The following PIEZO1 variants were observed in gnomAD, a reference collection of about 807,000 sequenced individuals.
The protein encoded by PIEZO1 is piezo type mechanosensitive ion channel component 1 (Er blood group).
PIEZO1 carries 296 observed loss-of-function variants against 297.2 expected under a neutral mutation model. The observed-to-expected ratio is 1.00, with a 90% CI of 0.91 to 1.10. The LOEUF (loss-of-function observed/expected upper bound fraction) is 1.10, where lower values mean the gene tolerates loss of function less well. Among genes scored for constraint, PIEZO1 ranks in the 50% least tolerant of loss-of-function variants. PIEZO1 has a pLI of 0.00. For synonymous variants in PIEZO1, 2,427 were observed against 1,507.5 expected, an observed-to-expected ratio of 1.61 and a Z score of -14.13; for missense variants, 5,018 against 3,455.5, an observed-to-expected ratio of 1.45 and a Z score of -11.34.
intron 1 of PIEZO1, among the ~76,000 whole-genome samples, chr16:88,761,545 G>A (rs1344388254): frequency 6.6e-6 from 1 of 152,202 alleles, no homozygotes; most frequent in Admixed American, 6.5e-5. Flanking sequence ...GGGGGCGGGT[G>A]AGCTGGGAGG....
In PIEZO1 at chr16:88,720,257, C is replaced by T. The variant is rs375228586; in HGVS notation, c.5976G>A (p.Thr1992=). ...FGKHSAATDI[T]SSLSDDQVPE... ...GTACCTGGTCGTCTGATAGGGAGGA[C>T]GTGATGTCTGTGGCCGCCGAGTGCT... Residue 1992 remains threonine, a synonymous_variant, in exon 42 of 51, where the codon ACG becomes ACA. Coordinates refer to ENST00000301015, the MANE Select transcript of PIEZO1 (RefSeq NM_001142864.4). The T allele has an allele frequency of 1.1e-4, 167 of 1,550,514 alleles. 1 individual carries two copies. In the East Asian group the frequency reaches 2.3e-3, roughly 21 times the overall value.
chr16:88,741,986 C>A (rs1333213615), intron 4 of PIEZO1, 67 bp downstream of exon 4: 1 of 1,499,982 alleles, frequency 6.7e-7, no homozygotes, highest in African/African-American at 1.4e-5. Flanking sequence ...CCTGGGTCCC[C>A]CCACTTCCTG....
chr16:88,727,091 G>C lies in PIEZO1; in HGVS notation c.3403C>G (p.Leu1135Val). The C allele has an allele frequency of 1.3e-6, 2 of 1,549,908 alleles. No homozygotes were observed. Among genetic ancestry groups the C allele is most frequent in the East Asian group, 4.9e-5 (2 of 40,906 alleles). Residue 1135 changes from leucine to valine, a missense_variant, in exon 24 of 51, where the codon CTG becomes GTG. By Grantham distance (32) the Leu-to-Val change is conservative (BLOSUM62 1). Coordinates refer to ENST00000301015, the MANE Select transcript of PIEZO1 (RefSeq NM_001142864.4). ...QRMAGVNTDRLEPLRGEPNPV... is the reference protein window; with the variant it reads ...QRMAGVNTDRVEPLRGEPNPV... The stretch of plus-strand genomic sequence containing the variant: ...TTGGGCTCCCCCCGCAGCGGCTCCA[G>C]GCGGTCGGTGTTGACGCCAGCCATG...
intron 1 of PIEZO1, among the ~76,000 whole-genome samples, chr16:88,771,755 ATG>A (rs1907434967): frequency 6.5e-5 from 9 of 139,384 alleles, no homozygotes; most frequent in African/African-American, 2.4e-4. Context: ...CTGAGACTCT[ATG>A]CCCGTCCACC....
chr16:88,737,183 C>T, intron 10 of PIEZO1: 1 of 273,992 alleles, frequency 3.6e-6, no homozygotes, highest in Non-Finnish European at 7.0e-6. Context: ...CAGCCCCTGC[C>T]CTGGACGAGC....
chr16:88,725,580 C>A lies in PIEZO1; in HGVS notation c.4058+15G>T. 1.3e-6 allele frequency: 2 copies of A among 1,537,222 alleles called. No individual in the cohort carries two copies. The highest frequency in any genetic ancestry group is 1.8e-6 in the Non-Finnish European group (2 of 1,135,048). On this transcript the variant is annotated intron_variant, in intron 28 of 50. Transcript: ENST00000301015. ...GGGGGAGGAGCCGGGGAGTCCCCGC[C>A]CCAGAGGCACCTACTGTCTTTTCAG... is the stretch of plus-strand genomic sequence containing the variant.
intron 1 of PIEZO1, among the ~76,000 whole-genome samples, chr16:88,749,958 G>T (rs770986068): frequency 2.4e-4 from 36 of 152,064 alleles, no homozygotes; most frequent in Non-Finnish European, 4.4e-4. Context: ...AAACCGGGAG[G>T]CGGAGGTTAC....
rs1490051765 is a variant in PIEZO1 at position 88,754,775 on chromosome 16, C to A, written c.65-5296G>T. Among the ~76,000 whole-genome samples, 4 of 152,208 alleles carry A rather than the reference C, an allele frequency of 2.6e-5. No homozygotes were observed. In the South Asian group the frequency reaches 8.3e-4, roughly 32 times the overall value. Reference sequence around the variant, plus strand: ...CCGGGGCCCGCAGGCCAGCGCTGGCCGAGAGCAGGACGTGGTGCAGAAAGA... The same window carrying A: ...CCGGGGCCCGCAGGCCAGCGCTGGCAGAGAGCAGGACGTGGTGCAGAAAGA... On this transcript the variant is annotated intron_variant, in intron 1 of 50. Transcript: ENST00000301015.
intron 43 of PIEZO1, 25 bp from the exon 44 acceptor site, chr16:88,719,746 A>T: frequency 6.5e-7 from 1 of 1,550,294 alleles, no homozygotes; most frequent in Non-Finnish European, 8.7e-7. Context: ...GGTTCCCGTC[A>T]GGTGGGCTCC....
intron 4 of PIEZO1, 25 bp from the exon 5 acceptor site, chr16:88,741,641 G>C (rs188511548): frequency 1.3e-6 from 2 of 1,529,976 alleles, no homozygotes; most frequent in South Asian, 1.2e-5. Flanking sequence ...GAGCAGCCGC[G>C]GTCAGACCAA....
intron 38 of PIEZO1, 27 bp downstream of exon 38, chr16:88,721,511 G>A (rs897075344): frequency 1.7e-5 from 26 of 1,541,418 alleles, no homozygotes; most frequent in Admixed American, 7.9e-5. Flanking sequence ...GCCCAGCCCC[G>A]CATTGCCAGC....
rs1362138869 is a variant in PIEZO1 at position 88,726,464 on chromosome 16, C to T, written c.3797-9G>A. On this transcript the variant is annotated splice_polypyrimidine_tract_variant and intron_variant, in intron 26 of 50. Coordinates refer to ENST00000301015, the MANE Select transcript of PIEZO1 (RefSeq NM_001142864.4). Reference sequence around the variant, plus strand: ...GTCCATCATCTCCTTGGCTGCAAGGCAGGCACCGGCAAGGGTCAGGCCCAG... The same window carrying T: ...GTCCATCATCTCCTTGGCTGCAAGGTAGGCACCGGCAAGGGTCAGGCCCAG... 6 of 1,548,858 alleles carry T rather than the reference C, an allele frequency of 3.9e-6. No individual in the cohort carries two copies. The highest frequency in any genetic ancestry group is 3.5e-6 in the Non-Finnish European group (4 of 1,145,902).
chr16:88,753,981 G>T (rs556734607), intron 1 of PIEZO1, among the ~76,000 whole-genome samples: 3 of 152,338 alleles, frequency 2.0e-5, no homozygotes, highest in East Asian at 3.9e-4. Context: ...TGGCTCCCAT[G>T]TTCCCATCAG....
chr16:88,761,055 C>T (rs563062550), intron 1 of PIEZO1, among the ~76,000 whole-genome samples: 82 of 152,358 alleles, frequency 5.4e-4, no homozygotes, highest in Non-Finnish European at 9.4e-4. Context: ...ACTCAGCCCG[C>T]AGCCCCTGGA....
chr16:88,727,577 G>A lies in PIEZO1; in HGVS notation c.3281C>T (p.Pro1094Leu), dbSNP rs1904544660. The change falls in exon 23 of 51, where the codon CCC (proline) becomes CTC (leucine). Residue 1094 changes from proline to leucine, a missense_variant. Physicochemically the swap from Pro to Leu is moderately conservative, Grantham distance 98. Coordinates refer to ENST00000301015, the MANE Select transcript of PIEZO1 (RefSeq NM_001142864.4). The stretch of plus-strand genomic sequence containing the variant: ...CTCACTGATGAGGTTGGTGGAGTTG[G>A]GGGCCCGGAAGAAATCAGGCAGGTA... ...WLYLPDFFRAPNSTNLISDFL... is the reference protein window; with the variant it reads ...WLYLPDFFRALNSTNLISDFL... 2.6e-6 allele frequency: 4 copies of A among 1,522,716 alleles called. No individual in the cohort carries two copies. The highest frequency in any genetic ancestry group is 2.4e-5 in the South Asian group (2 of 81,930). The allele number at this position is 1,522,716 out of a possible 1,614,324, so 94.3% of individuals were successfully genotyped here. A position where few individuals can be genotyped will look rare whatever the true frequency, so the allele number is the denominator to read the frequency against.
At position 88,784,941 on chromosome 16, in the gene PIEZO1, C is replaced by A. The variant is rs1297469904; in HGVS notation, c.24G>T (p.Ala8=). The A allele has an allele frequency of 5.7e-6, 8 of 1,396,288 alleles. 1 individual carries two copies. Among genetic ancestry groups the A allele is most frequent in the Admixed American group, 5.1e-5 (2 of 39,106 alleles). The allele number at this position is 1,396,288 out of a possible 1,614,324, so 86.5% of individuals were successfully genotyped here. ...AGGGCAGCAGCAGCCAGTACAGGACCGCGCCGAGCACGTGCGGCTCCATGG... is the reference window on the plus strand; with the variant it reads ...AGGGCAGCAGCAGCCAGTACAGGACAGCGCCGAGCACGTGCGGCTCCATGG... The part of the protein sequence containing the change: MEPHVLG[A]VLYWLLLPCA... Residue 8 remains alanine (A), a synonymous_variant, in exon 1 of 51, where the codon GCG becomes GCT. Coordinates refer to ENST00000301015, the MANE Select transcript of PIEZO1 (RefSeq NM_001142864.4).
At chr16:88,759,976 C>T (rs1906852275) in intron 1 of PIEZO1, among the ~76,000 whole-genome samples, 1 of 152,022 alleles carries the variant, frequency 6.6e-6, no homozygotes, top group Non-Finnish European at 1.5e-5. Flanking sequence ...TCCGGGCCTG[C>T]TCCGCACAGG....
rs918112054 is a variant in PIEZO1 at position 88,749,410 on chromosome 16, G to A, written c.134C>T (p.Pro45Leu). The A allele has an allele frequency of 1.3e-6, 2 of 1,520,162 alleles. No homozygotes were observed. The highest frequency in any genetic ancestry group is 1.4e-5 in the African/African-American group (1 of 71,778). The allele number at this position is 1,520,162 out of a possible 1,614,324, so 94.2% of individuals were successfully genotyped here. A position where few individuals can be genotyped will look rare whatever the true frequency, so the allele number is the denominator to read the frequency against. Residue 45 changes from proline to leucine, a missense_variant, in exon 2 of 51, where the codon CCC becomes CTC. By Grantham distance (98) the Pro-to-Leu change is moderately conservative. Transcript: ENST00000301015. The part of the protein sequence containing the change: ...LLFLLLLPWF[P>L]GPTRCGLQGH... Reference sequence around the variant, plus strand: ...TTGGAGGCCGCATCGGGTGGGGCCGGGGAACCAGGGCAGCAGCAGCAGGAA... The same window carrying A: ...TTGGAGGCCGCATCGGGTGGGGCCGAGGAACCAGGGCAGCAGCAGCAGGAA...
At chr16:88,768,014 G>A (rs1907251436) in intron 1 of PIEZO1, among the ~76,000 whole-genome samples, 2 of 152,322 alleles carry the variant, frequency 1.3e-5, no homozygotes, top group South Asian at 4.1e-4. Context: ...AGGCCCTCCA[G>A]AGGGGACCCC....
Sources: allele counts gnomAD v4.1 joint callset (sites outside exome capture counted in the v4.1 genomes callset), GRCh38; gene constraint gnomAD v4.1.1; transcripts MANE v1.5; gene names NCBI Gene and HGNC (gene_info 2026-07-23, HGNC 2026-07-21).